The following RABGAP1L variants were observed in gnomAD, a reference collection of about 807,000 sequenced individuals.
RABGAP1L encodes rab GTPase-activating protein 1-like.
Under a neutral mutation model 137.7 loss-of-function variants are expected in RABGAP1L, and 63 were observed. The ratio of observed to expected loss-of-function variants is 0.46; its 90% CI spans 0.37 to 0.56. The LOEUF (loss-of-function observed/expected upper bound fraction) is 0.56, where lower values mean the gene tolerates loss of function less well. RABGAP1L is among the 20% of genes least tolerant of loss of function. The pLI is 0.00. For synonymous variants in RABGAP1L, 431 were observed against 433.7 expected (o/e 0.99, Z 0.08); for missense variants, 1,095 against 1,244.0 (o/e 0.88, Z 1.80).
At chr1:174,648,141 T>A (rs1392679755) in intron 14 of RABGAP1L, among the ~76,000 whole-genome samples, 4 of 152,128 alleles carry the variant, frequency 2.6e-5, no homozygotes, top group Non-Finnish European at 1.5e-5. Context: ...TTGTAAATCT[T>A]TTCAAAAAAC....
chr1:174,863,068 A>G (rs1018659789), intron 19 of RABGAP1L, among the ~76,000 whole-genome samples: 2 of 151,166 alleles, frequency 1.3e-5, no homozygotes, highest in Admixed American at 1.3e-4. Context: ...AAATTTTTGT[A>G]TTTTTAGTAG....
intron 14 of RABGAP1L, among the ~76,000 whole-genome samples, chr1:174,662,694 A>C (rs1042732166): frequency 7.2e-5 from 11 of 152,164 alleles, no homozygotes; most frequent in Admixed American, 6.5e-4. Context: ...GTGCCCGGCC[A>C]AGAAGGCATT....
intron 13 of RABGAP1L, among the ~76,000 whole-genome samples, chr1:174,426,736 A>G (rs1652007511): frequency 6.6e-6 from 1 of 152,110 alleles, no homozygotes; most frequent in Non-Finnish European, 1.5e-5. Context: ...TTACCATCTT[A>G]TTAGTACATT....
intron 18 of RABGAP1L, chr1:174,800,057 A>T: frequency 1.6e-6 from 2 of 1,241,332 alleles, no homozygotes; most frequent in South Asian, 4.1e-5. Context: ...CTCCTGCATC[A>T]CTCTTGGCCA....
intron 18 of RABGAP1L, among the ~76,000 whole-genome samples, chr1:174,806,544 GC>G (rs1689317137): frequency 6.6e-6 from 1 of 152,204 alleles, no homozygotes; most frequent in South Asian, 2.1e-4. Context: ...GGAGTTTGAG[GC>G]TCTAGTGAGC....
intron 4 of RABGAP1L, among the ~76,000 whole-genome samples, chr1:174,240,035 A>G (rs995046965): frequency 6.6e-6 from 1 of 152,228 alleles, no homozygotes; most frequent in Admixed American, 6.5e-5. Flanking sequence ...CTTTTTAAAG[A>G]AAAATTGTTT....
At chr1:174,375,035 C>A (rs1012899844) in intron 12 of RABGAP1L, among the ~76,000 whole-genome samples, 1 of 151,938 alleles carries the variant, frequency 6.6e-6, no homozygotes, top group African/African-American at 2.4e-5. Flanking sequence ...AGTCGACATG[C>A]TTATTGGGAG....
chr1:174,179,222 G>A (rs1290353534), intron 1 of RABGAP1L, among the ~76,000 whole-genome samples: 1 of 151,602 alleles, frequency 6.6e-6, no homozygotes, highest in East Asian at 1.9e-4. Flanking sequence ...AACAAATACT[G>A]TCAGTTGTTT....
chr1:174,176,011 A>G (rs1046584684), intron 1 of RABGAP1L, among the ~76,000 whole-genome samples: 1 of 152,186 alleles, frequency 6.6e-6, no homozygotes, highest in Non-Finnish European at 1.5e-5. Context: ...AACCTGTGTA[A>G]TGTCTGGCTT....
intron 17 of RABGAP1L, among the ~76,000 whole-genome samples, chr1:174,747,967 G>C (rs1684015809): frequency 6.6e-6 from 1 of 151,278 alleles, no homozygotes; most frequent in Non-Finnish European, 1.5e-5. Flanking sequence ...GACCCCATCT[G>C]GCACATACTT....
chr1:174,408,532 C>CGT (rs1553296175), intron 13 of RABGAP1L, among the ~76,000 whole-genome samples: 4 of 151,768 alleles, frequency 2.6e-5, no homozygotes, highest in Non-Finnish European at 4.4e-5. Flanking sequence ...AACATGCAAA[C>CGT]GTGTGTCTTT....
At chr1:174,862,898 C>A (rs1573555956) in intron 19 of RABGAP1L, among the ~76,000 whole-genome samples, 1 of 151,212 alleles carries the variant, frequency 6.6e-6, no homozygotes, top group African/African-American at 2.4e-5. Context: ...ATGATTAATT[C>A]TTTTCTTTTT....
chr1:174,631,079 T>A (rs1181136851), intron 13 of RABGAP1L, among the ~76,000 whole-genome samples: 1 of 129,466 alleles, frequency 7.7e-6, no homozygotes, highest in Non-Finnish European at 1.6e-5. Context: ...TCCCAGAGAT[T>A]CTGGTATGTT....
intron 13 of RABGAP1L, among the ~76,000 whole-genome samples, chr1:174,633,077 A>G (rs76357290): frequency 0.21 from 31,989 of 151,814 alleles, 3,713 homozygotes; most frequent in Admixed American, 0.25. Context: ...CAATTAGGAA[A>G]AGAGGAAGTC....
rs529835828 is a variant in RABGAP1L, at chr1:174,209,958, T to A, written c.-33-9167T>A. Among the ~76,000 whole-genome samples, 98 of 152,330 alleles carry A rather than the reference T, an allele frequency of 6.4e-4. 2 individuals are homozygous for A. In the South Asian group the frequency reaches 0.02, roughly 31 times the overall value. ...AAAGAGAATAAAAGTCTCTGCCTGG[T>A]AATCAAGAGAATTCTCCCAGATCTC... is the stretch of plus-strand genomic sequence containing the variant. On this transcript the variant is annotated intron_variant, in intron 1 of 25. Coordinates refer to ENST00000681986, the MANE Select transcript of RABGAP1L (RefSeq NM_001366446.1).
At chr1:174,432,927 A>G (rs1392555829) in intron 13 of RABGAP1L, among the ~76,000 whole-genome samples, 1 of 152,216 alleles carries the variant, frequency 6.6e-6, no homozygotes, top group African/African-American at 2.4e-5. Context: ...TTAATTTCCA[A>G]AACTCAGCAT....
chr1:174,362,116 A>C (rs562952768), intron 11 of RABGAP1L, among the ~76,000 whole-genome samples: 1 of 151,746 alleles, frequency 6.6e-6, no homozygotes, highest in Non-Finnish European at 1.5e-5. Flanking sequence ...ACATGATCTC[A>C]TTTTTTTTAT....
rs1553255685 is a variant in RABGAP1L, at chr1:174,807,948, A to AAACAAAAC, written c.2212-3879_2212-3878insAACAACAA. Among the ~76,000 whole-genome samples, 21 of 141,116 alleles carry AAACAAAAC rather than the reference A, an allele frequency of 1.5e-4. No homozygotes were observed. The East Asian group carries it at 2.9e-3, about 20-fold the overall frequency. 92.6% of individuals were successfully genotyped at this position (141,116 alleles called of 152,430 possible). A position where few individuals can be genotyped will look rare whatever the true frequency, so the allele number is the denominator to read the frequency against. ...CCCCATCTCTACCAAAAACAAAACA[A>AAACAAAAC]AACAACAACAACAACAACAACAACA... is the stretch of plus-strand genomic sequence containing the variant. On this transcript the variant is annotated intron_variant, in intron 18 of 25. Transcript: ENST00000681986.
chr1:174,857,693 A>T (rs1649553293), intron 19 of RABGAP1L, among the ~76,000 whole-genome samples: 1 of 152,184 alleles, frequency 6.6e-6, no homozygotes, highest in Non-Finnish European at 1.5e-5. Flanking sequence ...CATATAATTA[A>T]TAATGATATG....
Sources: allele counts gnomAD v4.1 joint callset (sites outside exome capture counted in the v4.1 genomes callset), GRCh38; gene constraint gnomAD v4.1.1; transcripts MANE v1.5; gene names NCBI Gene and HGNC (gene_info 2026-07-23, HGNC 2026-07-21).